ST6GAL2: variants seen among roughly 807,000 people sequenced by gnomAD.
ST6GAL2 encodes ST6 beta-galactoside alpha-2,6-sialyltransferase 2.
In ST6GAL2, 24 loss-of-function variants were observed where a neutral mutation model predicts 37.5. The ratio of observed to expected loss-of-function variants is 0.64; its 90% CI spans 0.46 to 0.90. The LOEUF is 0.90. Among genes scored for constraint, ST6GAL2 ranks in the 40% least tolerant of loss-of-function variants. The pLI is 0.00. For missense variants in ST6GAL2, 715 were observed against 712.7 expected (o/e 1.00, Z -0.04); for synonymous variants, 306 against 295.1 (o/e 1.04, Z -0.38).
At chr2:106,822,024 A>G (rs1676021475) in intron 5 of ST6GAL2, among the ~76,000 whole-genome samples, 1 of 152,208 alleles carries the variant, frequency 6.6e-6, no homozygotes. Context: ...AATAAAAGCC[A>G]TATATGACAG....
At chr2:106,874,525 G>A (rs1218172385) in intron 1 of ST6GAL2, among the ~76,000 whole-genome samples, 9 of 150,452 alleles carry the variant, frequency 6.0e-5, no homozygotes, top group African/African-American at 1.2e-4. Flanking sequence ...CAGCACAATC[G>A]AGCTTAAGGT....
chr2:106,806,809 A>C lies in ST6GAL2; in HGVS notation c.1459T>G (p.Tyr487Asp). 1 of 1,614,166 alleles carries C rather than the reference A, an allele frequency of 6.2e-7. No individual in the cohort carries two copies. The highest frequency in any genetic ancestry group is 8.5e-7 in the Non-Finnish European group (1 of 1,180,040). The change falls in exon 6 of 6, where the codon TAT becomes GAT. Residue 487 changes from tyrosine to aspartate, a missense_variant. Tyr to Asp is a radical substitution (Grantham distance 160, BLOSUM62 -3). This residue lies in a region of ST6GAL2 where 198 missense variants were observed against 203.6 expected (regional missense o/e 0.97). Transcript: ENST00000409382. ...CTLGAYHPLL[Y>D]EKLLVQRLNM... ...AGGCGCTGCACCAGGAGCTTCTCAT[A>C]GAGTAGTGGGTGGTACGCCCCGAGG...
intron 5 of ST6GAL2, among the ~76,000 whole-genome samples, chr2:106,812,200 C>T (rs1478946340): frequency 6.6e-6 from 1 of 152,200 alleles, no homozygotes; most frequent in East Asian, 1.9e-4. Flanking sequence ...GTGGAACCAG[C>T]AAGAAGGCTC....
chr2:106,862,680 C>T (rs17033416), intron 1 of ST6GAL2, among the ~76,000 whole-genome samples: 15,460 of 151,700 alleles, frequency 0.1, 982 homozygotes, highest in Admixed American at 0.12. Flanking sequence ...ATCATTAGTC[C>T]CAATTCTGCA....
intron 3 of ST6GAL2, 113 bp from the exon 4 acceptor site, chr2:106,832,779 CGTT>C (rs1206546995): frequency 1.4e-6 from 1 of 732,894 alleles, no homozygotes; most frequent in Non-Finnish European, 2.5e-6. Flanking sequence ...GTGGCTCAGA[CGTT>C]GTATTTTCTT....
Position 106,802,435 on chromosome 2 carries a change from A to G in ST6GAL2, c.*4243T>C, listed in dbSNP as rs1053963535. 2.0e-5 allele frequency: 3 copies of G among 148,154 alleles called. No individual in the cohort carries two copies. Among genetic ancestry groups the G allele is most frequent in the Non-Finnish European group, 4.5e-5 (3 of 66,656 alleles). The allele number at this position is 148,154 out of a possible 1,614,324, so 9.2% of individuals were successfully genotyped here. A position where few individuals can be genotyped will look rare whatever the true frequency, so the allele number is the denominator to read the frequency against. On this transcript the variant is annotated 3_prime_UTR_variant, in exon 6 of 6. Transcript: ENST00000409382. ...CATTAGCTCAAGTTTGAACAGAAACATATTACATTACTTTTTTTTTAACCA... is the reference window on the plus strand; with the variant it reads ...CATTAGCTCAAGTTTGAACAGAAACGTATTACATTACTTTTTTTTTAACCA...
intron 1 of ST6GAL2, among the ~76,000 whole-genome samples, chr2:106,857,256 T>C (rs1677610915): frequency 6.6e-6 from 1 of 152,190 alleles, no homozygotes; most frequent in South Asian, 2.1e-4. Flanking sequence ...CCATGAGGTG[T>C]TGATTTTAAT....
chr2:106,859,881 TA>T (rs201807631), intron 1 of ST6GAL2, among the ~76,000 whole-genome samples: 15,475 of 148,610 alleles, frequency 0.1, 982 homozygotes, highest in Admixed American at 0.13. Context: ...TACTTCAAAT[TA>T]AAAAAAAAAA....
chr2:106,842,992 C>G, intron 2 of ST6GAL2, 43 bp downstream of exon 2: 1 of 1,315,412 alleles, frequency 7.6e-7, no homozygotes, highest in Non-Finnish European at 9.8e-7. Flanking sequence ...CAGGGACACA[C>G]TGGCTCAAGA....
intron 1 of ST6GAL2, among the ~76,000 whole-genome samples, chr2:106,883,289 A>C (rs1380670792): frequency 2.0e-5 from 3 of 152,222 alleles, no homozygotes; most frequent in Non-Finnish European, 4.4e-5. Context: ...TCTAACACTG[A>C]TATCTTCGCA....
intron 1 of ST6GAL2, among the ~76,000 whole-genome samples, chr2:106,867,876 C>A (rs1429607397): frequency 6.6e-6 from 1 of 152,108 alleles, no homozygotes; most frequent in Non-Finnish European, 1.5e-5. Context: ...GACTTTCTTT[C>A]TTTTCTTCCT....
intron 1 of ST6GAL2, among the ~76,000 whole-genome samples, chr2:106,857,594 A>T (rs927282073): frequency 6.6e-6 from 1 of 152,220 alleles, no homozygotes; most frequent in South Asian, 2.1e-4. Flanking sequence ...ACACAGCAAG[A>T]CCCCATCTCA....
chr2:106,844,933 C>G (rs1677084508), intron 1 of ST6GAL2, among the ~76,000 whole-genome samples: 1 of 152,134 alleles, frequency 6.6e-6, no homozygotes, highest in East Asian at 1.9e-4. Context: ...CACTTAGTAC[C>G]AAAGGAAACA....
intron 1 of ST6GAL2, among the ~76,000 whole-genome samples, chr2:106,847,666 C>T (rs181363630): frequency 7.9e-5 from 12 of 152,308 alleles, no homozygotes; most frequent in Admixed American, 6.5e-4. Flanking sequence ...AACTACCAAT[C>T]CCCAGACTCT....
intron 5 of ST6GAL2, among the ~76,000 whole-genome samples, chr2:106,828,726 T>C (rs189577307): frequency 6.6e-6 from 1 of 152,250 alleles, no homozygotes; most frequent in Non-Finnish European, 1.5e-5. Flanking sequence ...TCATTAAAAC[T>C]GGGGAAGAGA....
chr2:106,864,603 T>C (rs1378066043), intron 1 of ST6GAL2, among the ~76,000 whole-genome samples: 1 of 152,208 alleles, frequency 6.6e-6, no homozygotes, highest in Non-Finnish European at 1.5e-5. Flanking sequence ...TTTTTTTCAT[T>C]TATTAGCTGT....
chr2:106,848,380 C>A (rs1677229333), intron 1 of ST6GAL2, among the ~76,000 whole-genome samples: 2 of 152,184 alleles, frequency 1.3e-5, no homozygotes, highest in African/African-American at 2.4e-5. Context: ...TGGTAGTCAC[C>A]ATTTCCTGGT....
At chr2:106,862,809 A>G (rs931222948) in intron 1 of ST6GAL2, among the ~76,000 whole-genome samples, 1 of 152,160 alleles carries the variant, frequency 6.6e-6, no homozygotes, top group Admixed American at 6.5e-5. Context: ...CATAGAAAAA[A>G]CATTTCTAGA....
rs537956280 is a variant in ST6GAL2 at position 106,879,579 on chromosome 2, G to T, written c.-58+6514C>A. ...TTTAACTACCCTGTCACTCAGAGGG[G>T]GTAAGCTGCCCTTTAAACAACAGAA... On this transcript the variant is annotated intron_variant, in intron 1 of 5. Coordinates refer to ENST00000409382, the MANE Select transcript of ST6GAL2 (RefSeq NM_001142351.2). Among the ~76,000 whole-genome samples the T allele has an allele frequency of 4.0e-5, 6 of 151,204 alleles. No individual in the cohort carries two copies. In the East Asian group the frequency reaches 9.7e-4, roughly 24 times the overall value.
Sources: gnomAD v4.1 joint callset for allele counts (sites outside exome capture counted in the v4.1 genomes callset) on GRCh38, gnomAD v4.1.1 for gene constraint, gnomAD v4.1.1 regional missense constraint, MANE v1.5 for transcripts, NCBI Gene and HGNC (gene_info 2026-07-23, HGNC 2026-07-21) for gene names.